ASCC3: variants seen among roughly 807,000 people sequenced by gnomAD.
ASCC3 encodes activating signal cointegrator 1 complex subunit 3.
Under a neutral mutation model 256.3 loss-of-function variants are expected in ASCC3, and 158 were observed. The observed-to-expected ratio is 0.62, with a 90% CI of 0.54 to 0.70. ASCC3 has a LOEUF of 0.70. Among genes scored for constraint, ASCC3 ranks in the 30% least tolerant of loss-of-function variants. The pLI is 0.00. For missense variants in ASCC3, 2,259 were observed against 2,626.0 expected (o/e 0.86, Z 3.05); for synonymous variants, 948 against 883.4 (o/e 1.07, Z -1.30).
intron 25 of ASCC3, among the ~76,000 whole-genome samples, chr6:100,632,835 T>G (rs1774626867): frequency 6.6e-6 from 1 of 152,048 alleles, no homozygotes; most frequent in African/African-American, 2.4e-5. Context: ...ATTAAATAAT[T>G]AAATATAAGA....
At chr6:100,546,085 AATTGATTGT>A (rs1300801936) in intron 36 of ASCC3, among the ~76,000 whole-genome samples, 1 of 152,210 alleles carries the variant, frequency 6.6e-6, no homozygotes, top group Non-Finnish European at 1.5e-5. Context: ...AATATACAAA[AATTGATTGT>A]ATTTTTCTGT....
chr6:100,596,922 C>T (rs984278765), intron 34 of ASCC3, among the ~76,000 whole-genome samples: 2 of 152,172 alleles, frequency 1.3e-5, no homozygotes, highest in Admixed American at 6.5e-5. Context: ...CCAACCTCAT[C>T]TCCTGCTATT....
At chr6:100,615,952 A>C (rs1304697016) in intron 30 of ASCC3, among the ~76,000 whole-genome samples, 3 of 152,220 alleles carry the variant, frequency 2.0e-5, no homozygotes, top group Admixed American at 1.3e-4. Context: ...ATTTTGTACC[A>C]TGAACTAAAT....
In ASCC3 at chr6:100,718,190, A is replaced by G; in HGVS notation, c.1964T>C (p.Leu655Pro). ...LGLSATLPNY[L>P]DVATFLHVNP... ...AACATGTAAAAATGTGGCAACATCG[A>G]GGTAGTTAGGTAAAGTTGCAGACAG... Residue 655 changes from leucine (L) to proline (P), a missense_variant, in exon 12 of 42, where the codon CTC (leucine) becomes CCC (proline). Around this residue, in one of 2 missense-constraint regions of ASCC3, gnomAD observed 1,839 missense variants for 2,206.7 expected, o/e 0.83. Coordinates refer to ENST00000369162, the MANE Select transcript of ASCC3 (RefSeq NM_006828.4). 1 of 1,613,514 alleles carries G rather than the reference A, an allele frequency of 6.2e-7. No individual in the cohort carries two copies. The highest frequency in any genetic ancestry group is 8.5e-7 in the Non-Finnish European group (1 of 1,179,594).
intron 36 of ASCC3, among the ~76,000 whole-genome samples, chr6:100,588,188 T>C (rs563097208): frequency 1.4e-4 from 22 of 152,262 alleles, no homozygotes; most frequent in African/African-American, 5.1e-4. Flanking sequence ...AATAAGTGGT[T>C]GTTGTGAGGA....
At chr6:100,712,891 G>A (rs908188945) in intron 13 of ASCC3, among the ~76,000 whole-genome samples, 10 of 151,296 alleles carry the variant, frequency 6.6e-5, no homozygotes, top group African/African-American at 1.9e-4. Context: ...TGCAGCAGCT[G>A]GGACTACAGA....
At chr6:100,670,754 G>T (rs1419054007) in intron 14 of ASCC3, among the ~76,000 whole-genome samples, 1 of 151,902 alleles carries the variant, frequency 6.6e-6, no homozygotes, top group Admixed American at 6.6e-5. Flanking sequence ...ATCTCCAGTA[G>T]GCAGTTTAGG....
At chr6:100,606,090 T>C (rs1194331921) in intron 32 of ASCC3, among the ~76,000 whole-genome samples, 1 of 151,992 alleles carries the variant, frequency 6.6e-6, no homozygotes, top group African/African-American at 2.4e-5. Flanking sequence ...CATTTGATTA[T>C]TTTCCCCGTG....
intron 16 of ASCC3, among the ~76,000 whole-genome samples, chr6:100,660,009 A>C (rs1371350827): frequency 1.3e-5 from 2 of 151,490 alleles, no homozygotes; most frequent in African/African-American, 2.4e-5. Context: ...CTTGACATGC[A>C]TTTCATGACG....
chr6:100,782,068 ATTTG>A (rs1266782866), intron 8 of ASCC3, among the ~76,000 whole-genome samples: 1 of 152,052 alleles, frequency 6.6e-6, no homozygotes, highest in African/African-American at 2.4e-5. Context: ...ACCCAGGCTT[ATTTG>A]TTTGTTTGAC....
chr6:100,786,067 G>C (rs1333692485), intron 8 of ASCC3, among the ~76,000 whole-genome samples: 1 of 152,038 alleles, frequency 6.6e-6, no homozygotes, highest in East Asian at 1.9e-4. Context: ...TAGGAAGACT[G>C]AAGAAAAAAC....
intron 8 of ASCC3, among the ~76,000 whole-genome samples, chr6:100,771,635 A>G (rs12175456): frequency 6.6e-6 from 1 of 151,772 alleles, no homozygotes; most frequent in African/African-American, 2.4e-5. Context: ...AAATATATAG[A>G]TGTCAAATAA....
At chr6:100,546,459 A>C (rs1487653476) in intron 36 of ASCC3, among the ~76,000 whole-genome samples, 1 of 152,180 alleles carries the variant, frequency 6.6e-6, no homozygotes, top group Non-Finnish European at 1.5e-5. Context: ...CTAGCCCTAC[A>C]TTATTTTTTT....
At chr6:100,602,068 T>A in intron 33 of ASCC3, 133 bp from the exon 34 acceptor site, 1 of 862,604 alleles carries the variant, frequency 1.2e-6, no homozygotes, top group South Asian at 1.8e-5. Context: ...ACTTAAATAT[T>A]TAGTATATAA....
At chr6:100,726,476 C>T (rs904966579) in intron 10 of ASCC3, among the ~76,000 whole-genome samples, 1 of 151,886 alleles carries the variant, frequency 6.6e-6, no homozygotes, top group African/African-American at 2.4e-5. Flanking sequence ...TTTCAGATAT[C>T]AGAAAGCATC....
At chr6:100,551,585 A>G (rs1769301926) in intron 36 of ASCC3, among the ~76,000 whole-genome samples, 1 of 152,006 alleles carries the variant, frequency 6.6e-6, no homozygotes, top group African/African-American at 2.4e-5. Context: ...TGTACTTGAT[A>G]GTGAGTCATA....
At chr6:100,604,362 T>A (rs1164039264) in intron 33 of ASCC3, among the ~76,000 whole-genome samples, 2 of 152,100 alleles carry the variant, frequency 1.3e-5, no homozygotes, top group Admixed American at 6.6e-5. Flanking sequence ...TTTCAGTTTA[T>A]TAATTCTTAC....
intron 36 of ASCC3, among the ~76,000 whole-genome samples, chr6:100,541,378 A>G (rs1775454522): frequency 6.6e-6 from 1 of 152,098 alleles, no homozygotes; most frequent in Non-Finnish European, 1.5e-5. Flanking sequence ...GATCTCTGAT[A>G]TATAGAAAAC....
In ASCC3 at chr6:100,560,678, G is replaced by T. The variant is rs139262736; in HGVS notation, c.5551-20291C>A. ...GCAGTCAAGCATCCATCTGCTCTGTGTGAATCAAGAGAAAGCAAACATGCA... is the reference window on the plus strand; with the variant it reads ...GCAGTCAAGCATCCATCTGCTCTGTTTGAATCAAGAGAAAGCAAACATGCA... On this transcript the variant is annotated intron_variant, in intron 36 of 41. Coordinates refer to ENST00000369162, the MANE Select transcript of ASCC3 (RefSeq NM_006828.4). Among the ~76,000 whole-genome samples the T allele has an allele frequency of 2.0e-5, 3 of 151,676 alleles. No homozygotes were observed. The East Asian group carries it at 5.9e-4, about 30-fold the overall frequency.
Sources: gnomAD v4.1 joint callset for allele counts (sites outside exome capture counted in the v4.1 genomes callset) on GRCh38, gnomAD v4.1.1 for gene constraint, gnomAD v4.1.1 regional missense constraint, MANE v1.5 for transcripts, NCBI Gene and HGNC (gene_info 2026-07-23, HGNC 2026-07-21) for gene names.